The following PPP1R13B variants were observed in gnomAD, a reference collection of about 807,000 sequenced individuals.
PPP1R13B encodes the protein protein phosphatase 1 regulatory subunit 13B.
PPP1R13B carries 44 observed loss-of-function variants against 119.8 expected under a neutral mutation model. That is an observed-to-expected ratio of 0.37 (90% CI 0.29 to 0.47). The LOEUF (loss-of-function observed/expected upper bound fraction) is 0.47. PPP1R13B is among the 20% of genes least tolerant of loss of function. The pLI, the probability that PPP1R13B is intolerant of heterozygous loss-of-function variation, is 0.99. For missense variants in PPP1R13B, 1,227 were observed against 1,413.5 expected (o/e 0.87, Z 2.12); for synonymous variants, 542 against 561.5 (o/e 0.97, Z 0.49).
chr14:103,762,196 G>T (rs887812818), intron 4 of PPP1R13B, among the ~76,000 whole-genome samples: 3 of 152,174 alleles, frequency 2.0e-5, no homozygotes, highest in Admixed American at 2.0e-4. Context: ...GTTTAAAGGA[G>T]CTAAGCTACA....
chr14:103,799,224 G>A lies in PPP1R13B; in HGVS notation c.10-1706C>T, dbSNP rs182707375. ...GATGGAGTCTCGCTCTGTCACGCAGGCTGGAGTGCAGTGGCGCAATCTCGG... is the reference window on the plus strand; with the variant it reads ...GATGGAGTCTCGCTCTGTCACGCAGACTGGAGTGCAGTGGCGCAATCTCGG... On this transcript the variant is annotated intron_variant, in intron 1 of 16. Coordinates refer to ENST00000202556, the MANE Select transcript of PPP1R13B (RefSeq NM_015316.3). Among the ~76,000 whole-genome samples, 7 of 152,026 alleles carry A rather than the reference G, an allele frequency of 4.6e-5. No individual in the cohort carries two copies. In the East Asian group the frequency reaches 1.2e-3, roughly 25 times the overall value.
At chr14:103,808,245 A>C (rs1356121813) in intron 1 of PPP1R13B, among the ~76,000 whole-genome samples, 6 of 152,082 alleles carry the variant, frequency 3.9e-5, no homozygotes, top group Non-Finnish European at 7.4e-5. Context: ...ATCTCAAAAA[A>C]AAAAAAAAAA....
At chr14:103,755,755 A>C (rs2084662827) in intron 5 of PPP1R13B, among the ~76,000 whole-genome samples, 1 of 152,238 alleles carries the variant, frequency 6.6e-6, no homozygotes, top group African/African-American at 2.4e-5. Context: ...AAAAATAAAA[A>C]GCAGAATTAG....
At chr14:103,739,267 G>A (rs1363518689) in intron 12 of PPP1R13B, 9 of 501,166 alleles carry the variant, frequency 1.8e-5, no homozygotes, top group Middle Eastern at 5.1e-4. Context: ...AGAGGGACAC[G>A]GCTGTGTTTG....
chr14:103,783,319 G>A (rs904819811), intron 3 of PPP1R13B, among the ~76,000 whole-genome samples: 2 of 151,812 alleles, frequency 1.3e-5, no homozygotes, highest in African/African-American at 4.8e-5. Flanking sequence ...GAGTGCAGTG[G>A]CCTGATCTTG....
At chr14:103,755,938 G>A (rs748342412) in intron 5 of PPP1R13B, among the ~76,000 whole-genome samples, 34 of 152,040 alleles carry the variant, frequency 2.2e-4, no homozygotes, top group Non-Finnish European at 3.8e-4. Context: ...CATAAAAGTG[G>A]ATAGTACAAT....
At chr14:103,749,182 A>G (rs2151975951) in intron 8 of PPP1R13B, among the ~76,000 whole-genome samples, 1 of 152,262 alleles carries the variant, frequency 6.6e-6, no homozygotes, top group East Asian at 1.9e-4. Context: ...TTCAATGAGT[A>G]TTTTATCGTA....
rs1355459759 is a variant in PPP1R13B at position 103,740,903 on chromosome 14, T to C, written c.1823-310A>G. ...CTGCCGCAGACAAGCCTGCCTGTTT[T>C]CTGGCCAAGGAAAAAGACAAAAACC... On this transcript the variant is annotated intron_variant, in intron 11 of 16. Transcript: ENST00000202556. The surrounding 1 kb of genome is among the most constrained non-coding windows in gnomAD (Gnocchi z 4.6). Among the ~76,000 whole-genome samples the C allele has an allele frequency of 2.6e-5, 4 of 152,344 alleles. No individual in the cohort carries two copies. Among genetic ancestry groups the C allele is most frequent in the Non-Finnish European group, 5.9e-5 (4 of 68,034 alleles).
chr14:103,791,465 G>A (rs768844233), intron 2 of PPP1R13B, among the ~76,000 whole-genome samples: 3 of 152,208 alleles, frequency 2.0e-5, no homozygotes, highest in Non-Finnish European at 2.9e-5. Flanking sequence ...AGTGGCTCAC[G>A]CCTATAATCC....
At chr14:103,778,606 A>G (rs1359607993) in intron 4 of PPP1R13B, 139 bp downstream of exon 4, 1 of 681,626 alleles carries the variant, frequency 1.5e-6, no homozygotes, top group East Asian at 2.6e-5. Context: ...GGGTCTCACC[A>G]TCTTGCTCCA....
At chr14:103,758,623 C>A (rs762760373) in intron 4 of PPP1R13B, among the ~76,000 whole-genome samples, 30 of 152,172 alleles carry the variant, frequency 2.0e-4, no homozygotes, top group Non-Finnish European at 3.5e-4. Context: ...TTATGTGAGC[C>A]CCCACTCTGG....
intron 2 of PPP1R13B, among the ~76,000 whole-genome samples, chr14:103,786,886 T>TTA (rs977173348): frequency 9.9e-5 from 15 of 151,660 alleles, no homozygotes; most frequent in Admixed American, 3.3e-4. Flanking sequence ...TTTTGTATTT[T>TTA]TAGTAGAGAT....
intron 1 of PPP1R13B, among the ~76,000 whole-genome samples, chr14:103,811,524 C>CA (rs1271528114): frequency 2.6e-5 from 4 of 151,916 alleles, no homozygotes. Context: ...CCCATCTCTA[C>CA]AAAAAACACA....
rs768657019 is a variant in PPP1R13B, at chr14:103,736,163, G to A, written c.3071C>T (p.Ala1024Val). ...EKLGVMNKGV[A>V]YALWDYEAQN... ...GGCCTCGTAGTCCCACAGAGCATAC[G>A]CCACACCTTTGTTCATCACACCCAG... is the stretch of plus-strand genomic sequence containing the variant. The change falls in exon 16 of 17, where the codon GCG becomes GTG. Residue 1024 changes from alanine to valine, a missense_variant. By Grantham distance (64) the Ala-to-Val change is moderately conservative. Coordinates refer to ENST00000202556, the MANE Select transcript of PPP1R13B (RefSeq NM_015316.3). 1.9e-5 allele frequency: 30 copies of A among 1,614,004 alleles called. No individual in the cohort carries two copies. In the Admixed American group the frequency reaches 3.5e-4, roughly 19 times the overall value.
At chr14:103,840,979 T>C (rs1453557258) in intron 1 of PPP1R13B, among the ~76,000 whole-genome samples, 1 of 151,778 alleles carries the variant, frequency 6.6e-6, no homozygotes, top group Non-Finnish European at 1.5e-5. Flanking sequence ...GAAACATATA[T>C]AAACATATTA....
At chr14:103,791,629 G>T (rs1021085245) in intron 2 of PPP1R13B, among the ~76,000 whole-genome samples, 1 of 152,162 alleles carries the variant, frequency 6.6e-6, no homozygotes, top group Non-Finnish European at 1.5e-5. Flanking sequence ...GGAGGCTGAG[G>T]TGGAGAATAG....
intron 1 of PPP1R13B, among the ~76,000 whole-genome samples, chr14:103,836,703 G>A (rs2086787632): frequency 6.6e-6 from 1 of 151,186 alleles, no homozygotes. Context: ...CTGGGAGGCG[G>A]AGGTTGCAGT....
intron 1 of PPP1R13B, among the ~76,000 whole-genome samples, chr14:103,828,796 G>A (rs1234232962): frequency 6.6e-6 from 1 of 152,220 alleles, no homozygotes; most frequent in Non-Finnish European, 1.5e-5. Context: ...AAGCAGGACT[G>A]AAGAATCCCC....
chr14:103,737,912 G>A, intron 14 of PPP1R13B, 52 bp from the exon 15 acceptor site: 1 of 1,553,080 alleles, frequency 6.4e-7, no homozygotes, highest in East Asian at 2.3e-5. Flanking sequence ...TGTCCTGTAG[G>A]ACGTGGCCCT....
Sources: gnomAD v4.1 joint callset for allele counts (sites outside exome capture counted in the v4.1 genomes callset) on GRCh38, gnomAD v4.1.1 for gene constraint, Gnocchi (gnomAD v3.1) non-coding constraint, MANE v1.5 for transcripts, NCBI Gene and HGNC (gene_info 2026-07-23, HGNC 2026-07-21) for gene names.